Variants in SEMA4B observed in about 807,000 individuals in gnomAD.
SEMA4B encodes the protein semaphorin 4B, also known as semaphorin-4B.
In SEMA4B, 55 loss-of-function variants were observed where a neutral mutation model predicts 88.1. The ratio of observed to expected loss-of-function variants is 0.62; its 90% CI spans 0.50 to 0.78. The LOEUF (loss-of-function observed/expected upper bound fraction) is 0.78. Among genes scored for constraint, SEMA4B ranks in the 30% least tolerant of loss-of-function variants. The pLI is 0.00. For missense variants in SEMA4B, 1,062 were observed against 1,111.9 expected, an observed-to-expected ratio of 0.96 and a Z score of 0.64; for synonymous variants, 525 against 473.6, an observed-to-expected ratio of 1.11 and a Z score of -1.41.
intron 1 of SEMA4B, among the ~76,000 whole-genome samples, chr15:90,185,616 G>A (rs1455694971): frequency 6.6e-6 from 1 of 152,186 alleles, no homozygotes; most frequent in Non-Finnish European, 1.5e-5. Context: ...GGTCATCTCG[G>A]GAAGGTCATC....
At chr15:90,211,668 T>TG in intron 1 of SEMA4B, among the ~76,000 whole-genome samples, 1 of 152,270 alleles carries the variant, frequency 6.6e-6, no homozygotes, top group Non-Finnish European at 1.5e-5. Context: ...CTGGGGTAAG[T>TG]GGGTCCAAGG....
At position 90,228,367 on chromosome 15, in the gene SEMA4B, C is replaced by A. The variant is rs758439085; in HGVS notation, c.2238C>A (p.Val746=). 6.2e-7 allele frequency: 1 copy of A among 1,600,370 alleles called. No individual in the cohort carries two copies. The highest frequency in any genetic ancestry group is 8.5e-7 in the Non-Finnish European group (1 of 1,172,830). Residue 746 remains valine (V), a synonymous_variant, in exon 14 of 14, where the codon GTC becomes GTA. Transcript: ENST00000411539. The part of the protein sequence containing the change: ...LLYRHRNSMK[V]FLKQGECASV... ...ACCGGCACCGGAACAGCATGAAAGT[C>A]TTCCTGAAGCAGGGGGAATGTGCCA...
rs398028319 is a variant in SEMA4B, at chr15:90,185,924, A to ATTTTTTTTTTT, written c.-122+860_-122+870dup. ...CAGGCCATGGCCGTTTCTTTTGGTG[A>ATTTTTTTTTTT]TTTTTTTTTTTTTTTTTTTTTTTTT... On this transcript the variant is annotated intron_variant, in intron 1 of 14. Coordinates refer to the SEMA4B transcript ENST00000332496. Among the ~76,000 whole-genome samples, 11 of 55,456 alleles carry ATTTTTTTTTTT rather than the reference A, an allele frequency of 2.0e-4. 1 individual carries two copies. Among genetic ancestry groups the ATTTTTTTTTTT allele is most frequent in the African/African-American group, 8.3e-4 (11 of 13,318 alleles). The allele number at this position is 55,456 out of a possible 152,430, so 36.4% of individuals were successfully genotyped here. A position where few individuals can be genotyped will look rare whatever the true frequency, so the allele number is the denominator to read the frequency against.
chr15:90,195,622 T>C (rs756565739), intron 1 of SEMA4B, among the ~76,000 whole-genome samples: 1 of 152,198 alleles, frequency 6.6e-6, no homozygotes, highest in African/African-American at 2.4e-5. Flanking sequence ...TGTTTTTTCT[T>C]TTTTTGAGAC....
At chr15:90,196,207 C>T (rs1275138701) in intron 1 of SEMA4B, among the ~76,000 whole-genome samples, 1 of 151,862 alleles carries the variant, frequency 6.6e-6, no homozygotes, top group African/African-American at 2.4e-5. Flanking sequence ...GGATTCCAGG[C>T]GTGAGCTGCT....
In SEMA4B at chr15:90,220,981, G is replaced by A; in HGVS notation, c.484-1G>A. On this transcript the variant is annotated splice_acceptor_variant, in intron 4 of 13. Transcript: ENST00000411539. LOFTEE classifies it high-confidence loss of function. ...GAGCCCATGTGTCCACCCTCCTGCA[G>A]AACATGGAGAACTTCACCCTGGCAA... is the stretch of plus-strand genomic sequence containing the variant. 6.3e-7 allele frequency: 1 copy of A among 1,598,318 alleles called. No homozygotes were observed. Among genetic ancestry groups the A allele is most frequent in the Non-Finnish European group, 8.5e-7 (1 of 1,170,860 alleles).
chr15:90,199,432 G>A (rs745625093), upstream of SEMA4B, among the ~76,000 whole-genome samples: 10 of 152,162 alleles, frequency 6.6e-5, no homozygotes, highest in Non-Finnish European at 1.2e-4. Context: ...AATGAAATGG[G>A]GAAGGCTGTA....
chr15:90,229,217 G>A lies in SEMA4B; in HGVS notation c.*574G>A, dbSNP rs905414465. On this transcript the variant is annotated 3_prime_UTR_variant, in exon 14 of 14. Coordinates refer to ENST00000411539, the MANE Select transcript of SEMA4B (RefSeq NM_198925.4). ...GCTGCCGTCGTCCCACCACCTCAGG[G>A]ACCAGAGGGCTAGGTTGGCACTGCG... is the stretch of plus-strand genomic sequence containing the variant. 16 of 434,742 alleles carry A rather than the reference G, an allele frequency of 3.7e-5. No individual in the cohort carries two copies. Among genetic ancestry groups the A allele is most frequent in the Non-Finnish European group, 7.0e-5 (15 of 214,384 alleles). 26.9% of individuals were successfully genotyped at this position (434,742 alleles called of 1,614,324 possible).
intron 1 of SEMA4B, among the ~76,000 whole-genome samples, chr15:90,185,468 C>T (rs1960136642): frequency 6.6e-6 from 1 of 152,244 alleles, no homozygotes; most frequent in Admixed American, 6.5e-5. Context: ...TTTGTCATGG[C>T]TTCTTTCTTC....
intron 1 of SEMA4B, among the ~76,000 whole-genome samples, chr15:90,205,102 C>T (rs1395129598): frequency 6.6e-6 from 1 of 152,208 alleles, no homozygotes; most frequent in Admixed American, 6.5e-5. Flanking sequence ...TTCCCTCCTG[C>T]CCCAGAAGTG....
intron 1 of SEMA4B, 157 bp from the exon 2 acceptor site, chr15:90,217,282 G>A (rs983190207): frequency 2.3e-5 from 14 of 615,070 alleles, no homozygotes; most frequent in Admixed American, 3.2e-5. Context: ...AATGCTGCTC[G>A]CCCATCAAAC....
Position 90,228,407 on chromosome 15 carries a change from AC to A in SEMA4B, c.2280del (p.Cys761AlafsTer15), listed in dbSNP as rs1264629781. ...GGAATGTGCCAGCGTGCACCCCAAG[AC>A]CTGCCCTGTGGTGCTGCCCCCTGAG... ...QGECASVHPK[T>X]CPVVLPPETR... On this transcript the variant is annotated frameshift_variant, in exon 14 of 14. Transcript: ENST00000411539. LOFTEE classifies it high-confidence loss of function. 1.2e-6 allele frequency: 2 copies of A among 1,603,726 alleles called. No homozygotes were observed. The highest frequency in any genetic ancestry group is 8.5e-7 in the Non-Finnish European group (1 of 1,174,984).
chr15:90,201,759 G>A (rs1960754000), intron 1 of SEMA4B, 24 bp downstream of exon 1: 1 of 1,383,386 alleles, frequency 7.2e-7, no homozygotes, highest in East Asian at 3.0e-5. Flanking sequence ...ACCCGGGGAC[G>A]CGGGCCGGGG....
At chr15:90,209,620 T>A (rs1285279313) in intron 1 of SEMA4B, among the ~76,000 whole-genome samples, 6 of 151,518 alleles carry the variant, frequency 4.0e-5, no homozygotes, top group Admixed American at 3.9e-4. Flanking sequence ...TCATCAAACA[T>A]CAAACATTGC....
At chr15:90,198,973 A>T (rs143439788), upstream of SEMA4B, among the ~76,000 whole-genome samples, 2,511 of 152,308 alleles carry the variant, frequency 0.016, 54 homozygotes, top group African/African-American at 0.053. Context: ...GCCCCGGTTC[A>T]AGCAATTCTC....
chr15:90,204,610 A>C lies in SEMA4B; in HGVS notation c.157+2875A>C, dbSNP rs558679691. On this transcript the variant is annotated intron_variant, in intron 1 of 13. Coordinates refer to ENST00000411539, the MANE Select transcript of SEMA4B (RefSeq NM_198925.4). ...TTCTCTTGCGTTGGAACTACCATGC[A>C]GAGCTCCAGGACCAAAGCCTCGGTC... Among the ~76,000 whole-genome samples the C allele has an allele frequency of 2.8e-3, 432 of 152,338 alleles. 2 individuals carry two copies. Among genetic ancestry groups the C allele is most frequent in the African/African-American group, 9.6e-3 (401 of 41,580 alleles).
At chr15:90,221,527 C>G (rs775714267) in intron 6 of SEMA4B, 47 bp downstream of exon 6, 2 of 1,608,058 alleles carry the variant, frequency 1.2e-6, no homozygotes, top group South Asian at 2.2e-5. Context: ...CCTGTTCACC[C>G]AGCCCTAGAA....
chr15:90,225,575 C>G (rs751936598), intron 11 of SEMA4B, 86 bp from the exon 12 acceptor site: 23 of 1,469,382 alleles, frequency 1.6e-5, no homozygotes, highest in Non-Finnish European at 1.8e-5. Context: ...TTGGGGGTGG[C>G]TCTGGGAGGC....
rs373043698 is a variant in SEMA4B at position 90,228,602 on chromosome 15, C to G, written c.2473C>G (p.Arg825Gly). ...VEVSPVCPRP[R>G]VRLGSEIRDS... is the part of the protein sequence containing the mutation. ...GGTATCCCCAGTGTGCCCCCGGCCC[C>G]GGGTCCGCCTTGGCTCGGAGATCCG... Residue 825 changes from arginine to glycine, a missense_variant, in exon 14 of 14, where the codon CGG (arginine) becomes GGG (glycine). Coordinates refer to ENST00000411539, the MANE Select transcript of SEMA4B (RefSeq NM_198925.4). 6.2e-7 allele frequency: 1 copy of G among 1,613,536 alleles called. No homozygotes were observed. Among genetic ancestry groups the G allele is most frequent in the Non-Finnish European group, 8.5e-7 (1 of 1,179,886 alleles).
Sources: gnomAD v4.1 joint callset for allele counts (sites outside exome capture counted in the v4.1 genomes callset) on GRCh38, gnomAD v4.1.1 for gene constraint, MANE v1.5 for transcripts, NCBI Gene and HGNC (gene_info 2026-07-23, HGNC 2026-07-21) for gene names.